Variants in PHACTR1 observed in about 807,000 individuals in gnomAD.
The protein encoded by PHACTR1 is phosphatase and actin regulator 1.
In PHACTR1, 16 loss-of-function variants were observed where a neutral mutation model predicts 69.2. The observed-to-expected ratio is 0.23, with a 90% CI of 0.16 to 0.35. PHACTR1 has a LOEUF of 0.35. Among genes scored for constraint, PHACTR1 ranks in the 10% least tolerant of loss-of-function variants. The pLI is 1.00. For synonymous variants in PHACTR1, 312 were observed against 284.5 expected, an observed-to-expected ratio of 1.10 and a Z score of -0.97; for missense variants, 510 against 734.7, an observed-to-expected ratio of 0.69 and a Z score of 3.54.
chr6:12,911,304 G>T (rs78471004), intron 4 of PHACTR1, among the ~76,000 whole-genome samples: 251 of 152,168 alleles, frequency 1.6e-3, no homozygotes, highest in African/African-American at 5.7e-3. Context: ...GACATTGGGG[G>T]CTTTGTGTTT....
At chr6:13,146,451 T>C (rs924193258) in intron 5 of PHACTR1, among the ~76,000 whole-genome samples, 1 of 152,258 alleles carries the variant, frequency 6.6e-6, no homozygotes, top group African/African-American at 2.4e-5. Context: ...TGTCTTTCTC[T>C]GTCTGATAAA....
At position 13,053,510 on chromosome 6, in the gene PHACTR1, G is replaced by C. The variant is rs760966782; in HGVS notation, c.396G>C (p.Lys132Asn). 6.2e-7 allele frequency: 1 copy of C among 1,613,544 alleles called. No individual in the cohort carries two copies. ...PWKWRKKKSE[K>N]FKHTSAALER... ...AATGGAGGAAGAAGAAAAGCGAAAA[G>C]TTCAAACACACGTCAGCAGGTAAGA... Residue 132 changes from lysine (K) to asparagine (N), a missense_variant, in exon 5 of 15, where the codon AAG becomes AAC. Lys to Asn is a moderately conservative substitution (Grantham distance 94). Coordinates refer to ENST00000332995, the MANE Select transcript of PHACTR1 (RefSeq NM_030948.6).
chr6:12,982,592 C>T (rs1205299488), intron 4 of PHACTR1, among the ~76,000 whole-genome samples: 2 of 152,144 alleles, frequency 1.3e-5, no homozygotes, highest in Admixed American at 6.5e-5. Context: ...GGCAGAGAAT[C>T]GCTTGAACCC....
At chr6:12,719,786 A>C (rs571236363) in intron 3 of PHACTR1, among the ~76,000 whole-genome samples, 2 of 152,294 alleles carry the variant, frequency 1.3e-5, no homozygotes, top group East Asian at 3.9e-4. Context: ...GGCTTTCCCA[A>C]GTGGTCCTCT....
chr6:13,048,522 T>TTGTGTGTGTGTGTGTGTGTGTGTGTG lies in PHACTR1; in HGVS notation c.251-4836_251-4811dup, dbSNP rs70989824. ...GACCTGTTTTTTGGTTTCCATTTCT[T>TTGTGTGTGTGTGTGTGTGTGTGTGTG]TGTGTGTGTGTGTGTGTGTGTGTGT... is the stretch of plus-strand genomic sequence containing the variant. On this transcript the variant is annotated intron_variant, in intron 4 of 14. Coordinates refer to ENST00000332995, the MANE Select transcript of PHACTR1 (RefSeq NM_030948.6). Among the ~76,000 whole-genome samples, 148 of 142,976 alleles carry TTGTGTGTGTGTGTGTGTGTGTGTGTG rather than the reference T, an allele frequency of 1.0e-3. 1 individual carries two copies. Among genetic ancestry groups the TTGTGTGTGTGTGTGTGTGTGTGTGTG allele is most frequent in the African/African-American group, 3.7e-3 (139 of 37,948 alleles). 93.8% of individuals were successfully genotyped at this position (142,976 alleles called of 152,430 possible).
chr6:13,001,180 T>G (rs2127623616), intron 4 of PHACTR1, among the ~76,000 whole-genome samples: 1 of 152,346 alleles, frequency 6.6e-6, no homozygotes, highest in East Asian at 1.9e-4. Flanking sequence ...TTTAATAAAT[T>G]ACAAATGATG....
At chr6:12,772,291 A>G (rs1419379623) in intron 4 of PHACTR1, among the ~76,000 whole-genome samples, 1 of 152,192 alleles carries the variant, frequency 6.6e-6, no homozygotes, top group Non-Finnish European at 1.5e-5. Context: ...AGGTTCACAT[A>G]TTGATTTTTG....
intron 4 of PHACTR1, among the ~76,000 whole-genome samples, chr6:12,964,099 G>T (rs139928243): frequency 5.8e-4 from 88 of 152,198 alleles, no homozygotes; most frequent in African/African-American, 2.0e-3. Context: ...TAAATATCAT[G>T]TCTTTTTCAG....
At chr6:13,105,825 A>C (rs1441213675) in intron 5 of PHACTR1, among the ~76,000 whole-genome samples, 3 of 152,218 alleles carry the variant, frequency 2.0e-5, no homozygotes, top group African/African-American at 7.2e-5. Context: ...CATAGATTCA[A>C]GTTGCTCTGA....
intron 11 of PHACTR1, chr6:13,274,151 T>C (rs1202059625): frequency 6.6e-6 from 1 of 152,054 alleles, no homozygotes; most frequent in Non-Finnish European, 1.5e-5. Flanking sequence ...TCCGTTTATG[T>C]CAACTCTGCC....
In PHACTR1 at chr6:12,918,401, G is replaced by A. The variant is rs118178773; in HGVS notation, c.251-134964G>A. Among the ~76,000 whole-genome samples the A allele has an allele frequency of 3.0e-3, 453 of 152,280 alleles. 4 individuals are homozygous for A. Among genetic ancestry groups the A allele is most frequent in the East Asian group, 0.029 (151 of 5,184 alleles). ...CACACATATCCGTATACTTCAAATT[G>A]CAAACACAATTTTGTTTTATACTTA... On this transcript the variant is annotated intron_variant, in intron 4 of 14. Transcript: ENST00000332995.
intron 4 of PHACTR1, among the ~76,000 whole-genome samples, chr6:13,029,918 A>G (rs1205429932): frequency 6.6e-6 from 1 of 152,232 alleles, no homozygotes; most frequent in Non-Finnish European, 1.5e-5. Flanking sequence ...CAGACAGAAC[A>G]GGCACAGACC....
chr6:12,975,644 G>A (rs901505491), intron 4 of PHACTR1, among the ~76,000 whole-genome samples: 1 of 152,144 alleles, frequency 6.6e-6, no homozygotes, highest in African/African-American at 2.4e-5. Context: ...GCAGTGGTGT[G>A]ATCAACTGCT....
intron 4 of PHACTR1, among the ~76,000 whole-genome samples, chr6:12,986,583 G>A (rs544825674): frequency 6.6e-6 from 1 of 152,306 alleles, no homozygotes; most frequent in South Asian, 2.1e-4. Flanking sequence ...TAAAGAAAGG[G>A]ATGGATAAAA....
At chr6:13,113,087 C>CA (rs1313784628) in intron 5 of PHACTR1, among the ~76,000 whole-genome samples, 7 of 152,094 alleles carry the variant, frequency 4.6e-5, no homozygotes, top group Admixed American at 2.0e-4. Flanking sequence ...CAGTCATCTG[C>CA]ATATGAAGTG....
intron 5 of PHACTR1, among the ~76,000 whole-genome samples, chr6:13,128,022 A>G (rs1819805751): frequency 6.6e-6 from 1 of 151,164 alleles, no homozygotes; most frequent in Non-Finnish European, 1.5e-5. Flanking sequence ...AAGTATGAGC[A>G]AAAGGAGGAA....
At chr6:12,871,100 G>A (rs1168061688) in intron 4 of PHACTR1, among the ~76,000 whole-genome samples, 1 of 151,886 alleles carries the variant, frequency 6.6e-6, no homozygotes, top group African/African-American at 2.4e-5. Context: ...AGGAATGAAA[G>A]GTATATGATA....
At chr6:13,234,443 C>T (rs1245511329) in intron 10 of PHACTR1, among the ~76,000 whole-genome samples, 1 of 152,060 alleles carries the variant, frequency 6.6e-6, no homozygotes, top group Non-Finnish European at 1.5e-5. Flanking sequence ...CTTTGAAAAG[C>T]ATGTGGCCAA....
intron 8 of PHACTR1, among the ~76,000 whole-genome samples, chr6:13,215,821 A>T (rs1446538642): frequency 1.3e-5 from 2 of 152,230 alleles, no homozygotes; most frequent in Non-Finnish European, 2.9e-5. Flanking sequence ...CTGCTGGCAT[A>T]GTCAATGTAC....
Sources: gnomAD v4.1 joint callset for allele counts (sites outside exome capture counted in the v4.1 genomes callset) on GRCh38, gnomAD v4.1.1 for gene constraint, MANE v1.5 for transcripts, NCBI Gene and HGNC (gene_info 2026-07-23, HGNC 2026-07-21) for gene names.